PAFAH2: variants seen among roughly 807,000 people sequenced by gnomAD.
PAFAH2 encodes the protein platelet activating factor acetylhydrolase 2, also known as platelet-activating factor acetylhydrolase 2, cytoplasmic.
PAFAH2 carries 42 observed loss-of-function variants against 49.0 expected under a neutral mutation model. That is an observed-to-expected ratio of 0.86 (90% CI 0.67 to 1.11). PAFAH2 has a LOEUF of 1.11. Among genes scored for constraint, PAFAH2 ranks in the 50% least tolerant of loss-of-function variants. The pLI, the probability that PAFAH2 is intolerant of heterozygous loss-of-function variation, is 0.00. For synonymous variants in PAFAH2, 184 were observed against 181.3 expected (o/e 1.01, Z -0.12); for missense variants, 503 against 501.8 (o/e 1.00, Z -0.02).
chr1:25,988,962 C>T (rs749669134), intron 3 of PAFAH2, among the ~76,000 whole-genome samples: 1 of 151,990 alleles, frequency 6.6e-6, no homozygotes, highest in Non-Finnish European at 1.5e-5. Context: ...CTCAATGTTA[C>T]CCTACTCAGA....
chr1:25,969,829 C>A (rs2049480126), intron 10 of PAFAH2, among the ~76,000 whole-genome samples: 1 of 152,060 alleles, frequency 6.6e-6, no homozygotes, highest in Non-Finnish European at 1.5e-5. Context: ...TTTATAATGA[C>A]ATGGTGCCTA....
intron 7 of PAFAH2, among the ~76,000 whole-genome samples, chr1:25,977,566 G>A (rs988453725): frequency 6.7e-6 from 1 of 150,326 alleles, no homozygotes; most frequent in Admixed American, 6.7e-5. Flanking sequence ...GAGGTGAGAG[G>A]ATCGCTTGAG....
At chr1:25,995,137 G>A (rs182028513) in intron 1 of PAFAH2, among the ~76,000 whole-genome samples, 51 of 152,276 alleles carry the variant, frequency 3.3e-4, no homozygotes, top group African/African-American at 1.2e-3. Context: ...GGTAGTACCT[G>A]TCCAGAAGCC....
intron 10 of PAFAH2, among the ~76,000 whole-genome samples, chr1:25,962,290 A>G (rs2049350457): frequency 6.6e-6 from 1 of 152,192 alleles, no homozygotes; most frequent in Non-Finnish European, 1.5e-5. Context: ...ATCCATAACA[A>G]TTCAATAACG....
Position 25,962,974 on chromosome 1 carries a change from G to A in PAFAH2, c.1085-891C>T, listed in dbSNP as rs139137008. 4.0e-3 allele frequency among the ~76,000 whole-genome samples: 610 copies of A among 152,240 alleles called. 3 individuals are homozygous for A. Among genetic ancestry groups the A allele is most frequent in the African/African-American group, 0.014 (585 of 41,526 alleles). On this transcript the variant is annotated intron_variant, in intron 10 of 10. Coordinates refer to ENST00000374282, the MANE Select transcript of PAFAH2 (RefSeq NM_000437.4). ...GGAGCAAGAGGACAGCAACATCATG[G>A]AGCAGCGAAACTCCAGGAATGACTC...
chr1:25,961,089 A>T lies in PAFAH2; in HGVS notation c.*900T>A, dbSNP rs2049332302. The T allele has an allele frequency of 6.6e-6, 1 of 152,320 alleles. No homozygotes were observed. The highest frequency in any genetic ancestry group is 2.4e-5 in the African/African-American group (1 of 41,428). The allele number at this position is 152,320 out of a possible 1,614,324, so 9.4% of individuals were successfully genotyped here. A position where few individuals can be genotyped will look rare whatever the true frequency, so the allele number is the denominator to read the frequency against. On this transcript the variant is annotated 3_prime_UTR_variant, in exon 11 of 11. Coordinates refer to ENST00000374282, the MANE Select transcript of PAFAH2 (RefSeq NM_000437.4). ...CCAAAGTGTTGGGATTACAGGCATG[A>T]GCCACCACGCCCAGCCTTCTTTATT...
At chr1:25,972,485 A>T (rs2049523075) in intron 10 of PAFAH2, 73 bp downstream of exon 10, 1 of 1,490,880 alleles carries the variant, frequency 6.7e-7, no homozygotes, top group South Asian at 1.2e-5. Flanking sequence ...CAGACATGTC[A>T]GAGTTCTCAC....
At chr1:25,964,769 CACAA>C (rs2049395396) in intron 10 of PAFAH2, among the ~76,000 whole-genome samples, 1 of 152,094 alleles carries the variant, frequency 6.6e-6, no homozygotes, top group Non-Finnish European at 1.5e-5. Flanking sequence ...TTGTAGATGA[CACAA>C]ACAAATGGAA....
intron 8 of PAFAH2, among the ~76,000 whole-genome samples, 195 bp downstream of exon 8, chr1:25,976,487 G>A (rs1007671913): frequency 3.9e-5 from 6 of 152,086 alleles, no homozygotes; most frequent in South Asian, 2.1e-4. Flanking sequence ...TTTTATTATC[G>A]GTTGGCTTTT....
intron 3 of PAFAH2, 145 bp downstream of exon 3, chr1:25,989,303 C>A: frequency 3.1e-6 from 2 of 654,948 alleles, no homozygotes; most frequent in Non-Finnish European, 4.7e-6. Context: ...AATTCTCTCC[C>A]AACTCTCCAT....
In PAFAH2 at chr1:25,990,868, A is replaced by T; in HGVS notation, c.-47-5T>A. On this transcript the variant is annotated splice_polypyrimidine_tract_variant and splice_region_variant and intron_variant, in intron 1 of 10. Coordinates refer to ENST00000374282, the MANE Select transcript of PAFAH2 (RefSeq NM_000437.4). Reference sequence around the variant, plus strand: ...TGCCGGAGCTGAACTTGCTGGCTGGATGGGGGAACACAGAACAGCAGCCGC... The same window carrying T: ...TGCCGGAGCTGAACTTGCTGGCTGGTTGGGGGAACACAGAACAGCAGCCGC... The T allele has an allele frequency of 6.9e-7, 1 of 1,445,892 alleles. No homozygotes were observed. The highest frequency in any genetic ancestry group is 9.7e-7 in the Non-Finnish European group (1 of 1,028,880). The allele number at this position is 1,445,892 out of a possible 1,614,324, so 89.6% of individuals were successfully genotyped here. A position where few individuals can be genotyped will look rare whatever the true frequency, so the allele number is the denominator to read the frequency against.
chr1:25,963,154 A>G (rs1335099197), intron 10 of PAFAH2, among the ~76,000 whole-genome samples: 1 of 152,206 alleles, frequency 6.6e-6, no homozygotes, highest in Non-Finnish European at 1.5e-5. Flanking sequence ...GAAGGCAGGG[A>G]CCACTCTCAT....
intron 4 of PAFAH2, among the ~76,000 whole-genome samples, chr1:25,986,850 A>G (rs995099906): frequency 1.3e-5 from 2 of 152,140 alleles, no homozygotes; most frequent in African/African-American, 2.4e-5. Context: ...TAAGTGGGAA[A>G]AAACATTCAT....
chr1:25,984,500 G>T lies in PAFAH2; in HGVS notation c.370C>A (p.Leu124Met). Reference sequence around the variant, plus strand: ...GCAACCACAAAGCCACGTGAGGCCAGCTCCATGCAGAAGGCTGAATACAAA... The same window carrying T: ...GCAACCACAAAGCCACGTGAGGCCATCTCCATGCAGAAGGCTGAATACAAA... The part of the protein sequence containing the change: ...RTLYSAFCME[L>M]ASRGFVVAVP... Residue 124 changes from leucine to methionine, a missense_variant, in exon 5 of 11, where the codon CTG becomes ATG. Leu to Met is a conservative substitution (Grantham distance 15, BLOSUM62 2). Coordinates refer to ENST00000374282, the MANE Select transcript of PAFAH2 (RefSeq NM_000437.4). The T allele has an allele frequency of 1.2e-6, 2 of 1,613,850 alleles. No individual in the cohort carries two copies. Among genetic ancestry groups the T allele is most frequent in the East Asian group, 2.2e-5 (1 of 44,864 alleles).
chr1:25,988,563 C>A (rs1018567924), intron 3 of PAFAH2, among the ~76,000 whole-genome samples: 2 of 151,848 alleles, frequency 1.3e-5, no homozygotes, highest in African/African-American at 4.8e-5. Flanking sequence ...GCCTGTATTC[C>A]CAGCACTTTG....
intron 7 of PAFAH2, among the ~76,000 whole-genome samples, chr1:25,979,683 T>G (rs1013240389): frequency 3.3e-5 from 5 of 152,114 alleles, no homozygotes; most frequent in African/African-American, 1.2e-4. Context: ...AGAGACGGGA[T>G]TTCACCATGC....
chr1:25,969,175 T>TAAAC (rs1465007842), intron 10 of PAFAH2, among the ~76,000 whole-genome samples: 3 of 152,206 alleles, frequency 2.0e-5, no homozygotes, highest in Admixed American at 6.5e-5. Flanking sequence ...CCAGATACAC[T>TAAAC]AAACACAGTT....
At chr1:25,964,770 A>G (rs143785863) in intron 10 of PAFAH2, among the ~76,000 whole-genome samples, 22 of 152,362 alleles carry the variant, frequency 1.4e-4, no homozygotes, top group Non-Finnish European at 2.6e-4. Flanking sequence ...TGTAGATGAC[A>G]CAAACAAATG....
At position 25,983,937 on chromosome 1, in the gene PAFAH2, C is replaced by A; in HGVS notation, c.552+9G>T. On this transcript the variant is annotated intron_variant, in intron 6 of 10. Transcript: ENST00000374282. ...ATTAACTCTCCCTCCCCAACTGGCA[C>A]AAACTTACCTGGGGATTCCGAACAT... is the stretch of plus-strand genomic sequence containing the variant. 6.2e-7 allele frequency: 1 copy of A among 1,614,040 alleles called. No homozygotes were observed. Among genetic ancestry groups the A allele is most frequent in the Non-Finnish European group, 8.5e-7 (1 of 1,179,934 alleles).
Sources: allele counts gnomAD v4.1 joint callset (sites outside exome capture counted in the v4.1 genomes callset), GRCh38; gene constraint gnomAD v4.1.1; transcripts MANE v1.5; gene names NCBI Gene and HGNC (gene_info 2026-07-23, HGNC 2026-07-21).